The following MUCL1 variants were observed in gnomAD, a reference collection of about 807,000 sequenced individuals.
MUCL1 encodes mucin like 1.
Under a neutral mutation model 9.2 loss-of-function variants are expected in MUCL1, and 11 were observed. The ratio of observed to expected loss-of-function variants is 1.19; its 90% confidence interval spans 0.75 to 1.97. The LOEUF (loss-of-function observed/expected upper bound fraction) is 1.97, where lower values mean the gene tolerates loss of function less well. Among genes scored for constraint, MUCL1 ranks in the 30% most tolerant of loss-of-function variants. The pLI, the probability that MUCL1 is intolerant of heterozygous loss-of-function variation, is 0.00. For missense variants in MUCL1, 144 were observed against 110.9 expected (o/e 1.30, Z -1.34); for synonymous variants, 48 against 40.5 (o/e 1.19, Z -0.71).
upstream of MUCL1, among the ~76,000 whole-genome samples, chr12:54,853,669 T>C (rs1284723272): frequency 6.6e-6 from 1 of 152,202 alleles, no homozygotes; most frequent in Non-Finnish European, 1.5e-5. Context: ...CTGCCTTCTT[T>C]TTTTATTAGG....
chr12:54,840,863 T>A (rs1410193010), intron 1 of MUCL1, among the ~76,000 whole-genome samples: 1 of 152,196 alleles, frequency 6.6e-6, no homozygotes, highest in East Asian at 1.9e-4. Flanking sequence ...GCCTCATACC[T>A]GCAGTATTCC....
intron 1 of MUCL1, among the ~76,000 whole-genome samples, chr12:54,848,145 T>G (rs1481548272): frequency 2.6e-5 from 4 of 151,952 alleles, no homozygotes; most frequent in Non-Finnish European, 5.9e-5. Flanking sequence ...CCACAGCTGC[T>G]GCAGGTTCTT....
chr12:54,833,990 C>G (rs903120338), intron 1 of MUCL1, among the ~76,000 whole-genome samples: 2 of 152,040 alleles, frequency 1.3e-5, no homozygotes, highest in Non-Finnish European at 2.9e-5. Flanking sequence ...GTCTACTTAA[C>G]AGTCGTTTGT....
intron 1 of MUCL1, 47 bp from the exon 2 acceptor site, chr12:54,855,069 A>C: frequency 6.4e-7 from 1 of 1,566,630 alleles, no homozygotes; most frequent in Non-Finnish European, 8.8e-7. Context: ...TCCATCCTCC[A>C]AACTGGTATT....
chr12:54,848,795 A>G (rs184017895), intron 1 of MUCL1, among the ~76,000 whole-genome samples: 2 of 152,312 alleles, frequency 1.3e-5, no homozygotes, highest in East Asian at 1.9e-4. Context: ...TCATAAAAAT[A>G]TGCTCTGATA....
chr12:54,856,935 C>A, intron 3 of MUCL1, 43 bp downstream of exon 3: 1 of 1,611,660 alleles, frequency 6.2e-7, no homozygotes, highest in Admixed American at 1.7e-5. Flanking sequence ...TATGTGGCTC[C>A]TTGATTCCTT....
intron 1 of MUCL1, among the ~76,000 whole-genome samples, chr12:54,840,988 T>G (rs1245668325): frequency 6.6e-6 from 1 of 152,246 alleles, no homozygotes. Flanking sequence ...GCTCCCCTTT[T>G]CTCTCACTCC....
chr12:54,855,232 GT>G (rs1868290380), intron 2 of MUCL1, 75 bp downstream of exon 2: 2 of 1,291,340 alleles, frequency 1.5e-6, no homozygotes, highest in African/African-American at 2.9e-5. Context: ...CAAACAGCCA[GT>G]TTCCATGTGG....
chr12:54,837,513 C>T (rs1156310842), upstream of MUCL1, among the ~76,000 whole-genome samples: 1 of 152,088 alleles, frequency 6.6e-6, no homozygotes, highest in Admixed American at 6.6e-5. Context: ...TGCCTGTAAT[C>T]CCAGTACTTT....
At chr12:54,843,332 A>T (rs188256430) in intron 1 of MUCL1, among the ~76,000 whole-genome samples, 25 of 152,326 alleles carry the variant, frequency 1.6e-4, no homozygotes, top group African/African-American at 5.5e-4. Flanking sequence ...TGGGTATTGA[A>T]TTTTATCAAA....
chr12:54,847,572 G>A (rs945368413), intron 1 of MUCL1, among the ~76,000 whole-genome samples: 4 of 152,160 alleles, frequency 2.6e-5, no homozygotes, highest in Admixed American at 6.5e-5. Flanking sequence ...CCAAGATCAC[G>A]CCATTGCACT....
chr12:54,849,156 A>G (rs1959299907), intron 1 of MUCL1, among the ~76,000 whole-genome samples: 1 of 152,160 alleles, frequency 6.6e-6, no homozygotes, highest in Non-Finnish European at 1.5e-5. Flanking sequence ...GCCATTTTGT[A>G]CAGCATTTTA....
chr12:54,831,544 G>A (rs777077318), intron 1 of MUCL1, among the ~76,000 whole-genome samples: 3 of 152,038 alleles, frequency 2.0e-5, no homozygotes, highest in South Asian at 2.1e-4. Context: ...TTTGCTTAAT[G>A]TTACAATAAG....
upstream of MUCL1, among the ~76,000 whole-genome samples, chr12:54,852,556 C>T (rs1227957694): frequency 6.6e-6 from 1 of 152,210 alleles, no homozygotes; most frequent in Non-Finnish European, 1.5e-5. Context: ...CTTTGTATCA[C>T]ACTTTTCCTG....
chr12:54,842,659 C>G (rs1959218369), intron 1 of MUCL1, among the ~76,000 whole-genome samples: 1 of 152,092 alleles, frequency 6.6e-6, no homozygotes, highest in South Asian at 2.1e-4. Context: ...TATCTTTTGA[C>G]CAACATCTTA....
At chr12:54,854,935 T>C (rs924120823) in intron 1 of MUCL1, among the ~76,000 whole-genome samples, 181 bp from the exon 2 acceptor site, 1 of 152,160 alleles carries the variant, frequency 6.6e-6, no homozygotes, top group Non-Finnish European at 1.5e-5. Context: ...GACCACATAT[T>C]AGGTTTTTAT....
intron 1 of MUCL1, among the ~76,000 whole-genome samples, chr12:54,843,951 T>G (rs186292440): frequency 9.8e-5 from 15 of 152,338 alleles, no homozygotes; most frequent in Admixed American, 5.9e-4. Flanking sequence ...TGATCCTATC[T>G]TGCATTCTTG....
chr12:54,849,972 G>A (rs1056578521), upstream of MUCL1, among the ~76,000 whole-genome samples: 1 of 152,176 alleles, frequency 6.6e-6, no homozygotes, highest in Non-Finnish European at 1.5e-5. Flanking sequence ...GTTGCAGATT[G>A]TCTGCTTTCC....
chr12:54,839,235 T>C, upstream of MUCL1: 1 of 617,926 alleles, frequency 1.6e-6, no homozygotes. Flanking sequence ...AGTGGCTTAC[T>C]CAGCTACTGG....
Sources: gnomAD v4.1 joint callset for allele counts (sites outside exome capture counted in the v4.1 genomes callset) on GRCh38, gnomAD v4.1.1 for gene constraint, MANE v1.5 for transcripts, NCBI Gene and HGNC (gene_info 2026-07-23, HGNC 2026-07-21) for gene names.